Variants in TBC1D22A observed in about 807,000 individuals in gnomAD.
TBC1D22A encodes the protein putative GTPase activator.
TBC1D22A carries 38 observed loss-of-function variants against 60.2 expected under a neutral mutation model. The observed-to-expected ratio is 0.63, with a 90% confidence interval of 0.49 to 0.83. The LOEUF (loss-of-function observed/expected upper bound fraction) is 0.83. Ranked by LOEUF, TBC1D22A falls within the 40% of genes least tolerant of loss-of-function variation. TBC1D22A has a pLI of 0.00. For synonymous variants in TBC1D22A, 302 were observed against 281.7 expected (o/e 1.07, Z -0.72); for missense variants, 628 against 701.0 (o/e 0.90, Z 1.18).
rs185119387 is a variant in TBC1D22A, at chr22:47,016,327, C to T, written c.1201+18618C>T. 2.2e-3 allele frequency among the ~76,000 whole-genome samples: 336 copies of T among 152,232 alleles called. 3 individuals carry two copies. Among genetic ancestry groups the T allele is most frequent in the Admixed American group, 0.02 (301 of 15,300 alleles). On this transcript the variant is annotated intron_variant, in intron 10 of 12. Coordinates refer to ENST00000337137, the MANE Select transcript of TBC1D22A (RefSeq NM_014346.5). The stretch of plus-strand genomic sequence containing the variant: ...GTGGGTGCCATCATCCTGGCGGGCA[C>T]GTGCTTGGTCTTCATCCCCCACCTC...
At chr22:47,128,828 A>G (rs999072873) in intron 12 of TBC1D22A, among the ~76,000 whole-genome samples, 1 of 152,192 alleles carries the variant, frequency 6.6e-6, no homozygotes, top group Admixed American at 6.5e-5. Flanking sequence ...TCCGAGGCAG[A>G]TGGGCCCCAG....
intron 5 of TBC1D22A, among the ~76,000 whole-genome samples, chr22:46,889,277 C>T (rs1049250627): frequency 6.6e-6 from 1 of 152,032 alleles, no homozygotes; most frequent in African/African-American, 2.4e-5. Flanking sequence ...TGCGATGGCC[C>T]CACGAAGAGA....
chr22:47,033,657 T>C (rs1412743609), intron 10 of TBC1D22A, among the ~76,000 whole-genome samples: 1 of 152,020 alleles, frequency 6.6e-6, no homozygotes, highest in Non-Finnish European at 1.5e-5. Context: ...GCTCACAGCT[T>C]GGGGTGTTTC....
At chr22:46,835,248 G>C (rs977995083) in intron 4 of TBC1D22A, among the ~76,000 whole-genome samples, 1 of 152,144 alleles carries the variant, frequency 6.6e-6, no homozygotes, top group Non-Finnish European at 1.5e-5. Context: ...CTGACGAAAA[G>C]AACATTATAA....
chr22:46,861,270 A>G (rs1393536179), intron 4 of TBC1D22A, among the ~76,000 whole-genome samples: 1 of 152,184 alleles, frequency 6.6e-6, no homozygotes, highest in Non-Finnish European at 1.5e-5. Flanking sequence ...TATCTCACGT[A>G]AAATGACTTA....
intron 1 of TBC1D22A, chr22:46,764,414 GT>G (rs1263422481): frequency 6.6e-6 from 1 of 152,156 alleles, no homozygotes; most frequent in Non-Finnish European, 1.5e-5. Context: ...TTACTTTTAG[GT>G]CTTAAGGTTT....
At chr22:47,002,178 A>G (rs189706461) in intron 10 of TBC1D22A, among the ~76,000 whole-genome samples, 11 of 152,390 alleles carry the variant, frequency 7.2e-5, no homozygotes, top group African/African-American at 2.6e-4. Flanking sequence ...AAAGCACACG[A>G]TGAGATTTCC....
intron 1 of TBC1D22A, among the ~76,000 whole-genome samples, chr22:46,768,642 C>G (rs1000994783): frequency 3.3e-5 from 5 of 152,184 alleles, no homozygotes; most frequent in Non-Finnish European, 5.9e-5. Flanking sequence ...TTTAAAAATG[C>G]CAAGACAAAA....
At chr22:46,783,548 C>G (rs1472048323) in intron 1 of TBC1D22A, among the ~76,000 whole-genome samples, 1 of 152,106 alleles carries the variant, frequency 6.6e-6, no homozygotes, top group Non-Finnish European at 1.5e-5. Flanking sequence ...CTCCCTCCAC[C>G]CATTCTGAGT....
chr22:47,173,700 T>C lies in TBC1D22A; in HGVS notation c.*74T>C. On this transcript the variant is annotated 3_prime_UTR_variant, in exon 13 of 13. Transcript: ENST00000337137. ...ACCTGCCTGGCTGGTGGTAGGCCCC[T>C]GTGAGCTGGTCCCGGGCTGCTAAAA... 1 of 1,599,900 alleles carries C rather than the reference T, an allele frequency of 6.3e-7. No homozygotes were observed.
Position 46,931,996 on chromosome 22 carries a change from T to G in TBC1D22A, c.1015+19808T>G, listed in dbSNP as rs1983567. 6.6e-5 allele frequency among the ~76,000 whole-genome samples: 10 copies of G among 152,204 alleles called. No homozygotes were observed. In the South Asian group the frequency reaches 2.1e-3, roughly 32 times the overall value. ...GTGTCACAACCTGGGAAAAATAAAT[T>G]TCTGCTCACAGATTGATTCATTGTC... On this transcript the variant is annotated intron_variant, in intron 8 of 12. Coordinates refer to ENST00000337137, the MANE Select transcript of TBC1D22A (RefSeq NM_014346.5).
At chr22:46,993,946 G>GC (rs1569313995) in intron 9 of TBC1D22A, among the ~76,000 whole-genome samples, 1 of 152,234 alleles carries the variant, frequency 6.6e-6, no homozygotes, top group East Asian at 1.9e-4. Context: ...TCGCCCTCGG[G>GC]GGGTGGGGCC....
chr22:46,841,739 T>G (rs1004541713), intron 4 of TBC1D22A, among the ~76,000 whole-genome samples: 1 of 152,236 alleles, frequency 6.6e-6, no homozygotes, highest in African/African-American at 2.4e-5. Context: ...GTTTATACGA[T>G]GAATCAGTTC....
At position 46,974,280 on chromosome 22, in the gene TBC1D22A, C is replaced by T. The variant is rs201787441; in HGVS notation, c.1016-10C>T. Reference sequence around the variant, plus strand: ...GTCTCCTTGTCTTTTGCATGCTCGGCGCCGCCCAGAGGCAGAGGAGGTGGA... The same window carrying T: ...GTCTCCTTGTCTTTTGCATGCTCGGTGCCGCCCAGAGGCAGAGGAGGTGGA... On this transcript the variant is annotated splice_polypyrimidine_tract_variant and intron_variant, in intron 8 of 12. Coordinates refer to ENST00000337137, the MANE Select transcript of TBC1D22A (RefSeq NM_014346.5). The T allele has an allele frequency of 2.5e-5, 39 of 1,579,414 alleles. No homozygotes were observed. Among genetic ancestry groups the T allele is most frequent in the Admixed American group, 1.8e-4 (10 of 54,714 alleles).
At chr22:47,097,650 A>G (rs1017842280) in intron 11 of TBC1D22A, among the ~76,000 whole-genome samples, 1 of 152,178 alleles carries the variant, frequency 6.6e-6, no homozygotes, top group Non-Finnish European at 1.5e-5. Flanking sequence ...TGCATTGAAC[A>G]TATCAATTAA....
At chr22:46,791,655 G>A (rs2084414296) in intron 1 of TBC1D22A, among the ~76,000 whole-genome samples, 1 of 152,156 alleles carries the variant, frequency 6.6e-6, no homozygotes, top group African/African-American at 2.4e-5. Context: ...AGGCTTCTGG[G>A]TAGAGGTTGA....
At chr22:46,793,019 C>G (rs986227675) in intron 2 of TBC1D22A, among the ~76,000 whole-genome samples, 1 of 152,276 alleles carries the variant, frequency 6.6e-6, no homozygotes, top group Non-Finnish European at 1.5e-5. Context: ...TGCAGGACTG[C>G]ACCTGTCTGA....
At chr22:46,826,746 T>A (rs1259727635) in intron 4 of TBC1D22A, among the ~76,000 whole-genome samples, 1 of 152,036 alleles carries the variant, frequency 6.6e-6, no homozygotes, top group Non-Finnish European at 1.5e-5. Context: ...ATTTTAGAGA[T>A]GAGGACATGA....
chr22:46,972,424 G>A (rs1396822447), intron 8 of TBC1D22A, among the ~76,000 whole-genome samples: 1 of 152,230 alleles, frequency 6.6e-6, no homozygotes, highest in Non-Finnish European at 1.5e-5. Context: ...ATGCAGAGAC[G>A]CGGCGTGGCC....
Sources: allele counts gnomAD v4.1 joint callset (sites outside exome capture counted in the v4.1 genomes callset), GRCh38; gene constraint gnomAD v4.1.1; transcripts MANE v1.5; gene names NCBI Gene and HGNC (gene_info 2026-07-23, HGNC 2026-07-21).